GALNT18: variants seen among roughly 807,000 people sequenced by gnomAD.
GALNT18 encodes polypeptide N-acetylgalactosaminyltransferase 18.
GALNT18 carries 44 observed loss-of-function variants against 69.5 expected under a neutral mutation model. The observed-to-expected ratio is 0.63, with a 90% CI of 0.50 to 0.81. The LOEUF is 0.81. GALNT18 is among the 40% of genes least tolerant of loss of function. GALNT18 has a pLI of 0.00. For missense variants in GALNT18, 715 were observed against 810.0 expected, an observed-to-expected ratio of 0.88 and a Z score of 1.42; for synonymous variants, 364 against 318.2, an observed-to-expected ratio of 1.14 and a Z score of -1.53.
At chr11:11,448,198 C>T (rs1281473821) in intron 2 of GALNT18, among the ~76,000 whole-genome samples, 1 of 151,920 alleles carries the variant, frequency 6.6e-6, no homozygotes, top group Admixed American at 6.6e-5. Context: ...AGGGGGAAAA[C>T]ACTGTGGGGG....
At chr11:11,551,304 A>G (rs529345379) in intron 1 of GALNT18, among the ~76,000 whole-genome samples, 1 of 152,110 alleles carries the variant, frequency 6.6e-6, no homozygotes, top group Non-Finnish European at 1.5e-5. Context: ...GAGGTCTGTC[A>G]TAGAACAAGG....
At chr11:11,353,148 C>T in intron 6 of GALNT18, 2 of 1,612,552 alleles carry the variant, frequency 1.2e-6, no homozygotes, top group Non-Finnish European at 1.7e-6. Context: ...CAAAGCTGGA[C>T]TTGATGTTTG....
chr11:11,570,944 T>C (rs1199615911), intron 1 of GALNT18, among the ~76,000 whole-genome samples: 1 of 152,194 alleles, frequency 6.6e-6, no homozygotes, highest in Admixed American at 6.5e-5. Flanking sequence ...ACATGAGGTA[T>C]TAGTAACAGT....
At chr11:11,530,109 C>T (rs1350902654) in intron 1 of GALNT18, among the ~76,000 whole-genome samples, 1 of 152,098 alleles carries the variant, frequency 6.6e-6, no homozygotes, top group Non-Finnish European at 1.5e-5. Flanking sequence ...AACACAGGCT[C>T]ATTCACATGC....
In GALNT18 at chr11:11,340,840, C is replaced by T; in HGVS notation, c.1257G>A (p.Met419Ile). 1 of 1,613,416 alleles carries T rather than the reference C, an allele frequency of 6.2e-7. No homozygotes were observed. Among genetic ancestry groups the T allele is most frequent in the Non-Finnish European group, 8.5e-7 (1 of 1,179,708 alleles). ...WMDEFKSHVY[M>I]AWNIPQEDSG... ...CTACCTCCTGCGGTATGTTCCATGCCATGTAGACGTGGCTTTTAAATTCAT... is the reference window on the plus strand; with the variant it reads ...CTACCTCCTGCGGTATGTTCCATGCTATGTAGACGTGGCTTTTAAATTCAT... The change falls in exon 7 of 11, where the codon ATG becomes ATA. Residue 419 changes from methionine to isoleucine, a missense_variant. By Grantham distance (10) the Met-to-Ile change is conservative (BLOSUM62 1). Coordinates refer to ENST00000227756, the MANE Select transcript of GALNT18 (RefSeq NM_198516.3). The surrounding 1 kb of genome is among the most constrained non-coding windows in gnomAD (Gnocchi z 4.2).
chr11:11,423,471 C>T (rs1855059064), intron 3 of GALNT18, among the ~76,000 whole-genome samples: 1 of 152,172 alleles, frequency 6.6e-6, no homozygotes, highest in Admixed American at 6.5e-5. Flanking sequence ...TGTTCAATTA[C>T]CTCTCACCCA....
chr11:11,559,806 G>C (rs1443973378), intron 1 of GALNT18, among the ~76,000 whole-genome samples: 4 of 152,136 alleles, frequency 2.6e-5, no homozygotes, highest in African/African-American at 9.6e-5. Context: ...AATAGAATGA[G>C]ATATGATCAG....
intron 1 of GALNT18, among the ~76,000 whole-genome samples, chr11:11,575,646 C>G (rs1858907227): frequency 6.6e-6 from 1 of 152,192 alleles, no homozygotes; most frequent in Non-Finnish European, 1.5e-5. Flanking sequence ...TATATGAGGC[C>G]ATGAGTTCCA....
In GALNT18 at chr11:11,284,908, GTTTTTT is replaced by G. The variant is rs58795517; in HGVS notation, c.1677+8115_1677+8120del. Among the ~76,000 whole-genome samples the G allele has an allele frequency of 6.0e-3, 495 of 82,856 alleles. 11 individuals carry two copies. The highest frequency in any genetic ancestry group is 0.025 in the Middle Eastern group (3 of 120). The allele number at this position is 82,856 out of a possible 152,430, so 54.4% of individuals were successfully genotyped here. On this transcript the variant is annotated intron_variant, in intron 10 of 10. Transcript: ENST00000227756. ...CTGATTTACTAGTAAAGACTTTCGT[GTTTTTT>G]TTTTTTTTTTTTTTTTAACTACTTG...
At chr11:11,509,145 T>C (rs1857123492) in intron 1 of GALNT18, among the ~76,000 whole-genome samples, 1 of 152,020 alleles carries the variant, frequency 6.6e-6, no homozygotes, top group African/African-American at 2.4e-5. Context: ...CTTTCACAAG[T>C]GTTTGCTAAA....
chr11:11,576,022 C>A (rs1858916418), intron 1 of GALNT18, among the ~76,000 whole-genome samples: 1 of 152,224 alleles, frequency 6.6e-6, no homozygotes, highest in Non-Finnish European at 1.5e-5. Context: ...GGTGCAGCAA[C>A]AAACTCAAGG....
chr11:11,407,494 G>A (rs1192606008), intron 3 of GALNT18, among the ~76,000 whole-genome samples: 1 of 152,222 alleles, frequency 6.6e-6, no homozygotes, highest in Non-Finnish European at 1.5e-5. Context: ...CAGAGCCAGA[G>A]ATAAATAGCA....
At chr11:11,460,560 C>T (rs1049355011) in intron 1 of GALNT18, among the ~76,000 whole-genome samples, 4 of 152,208 alleles carry the variant, frequency 2.6e-5, no homozygotes, top group Non-Finnish European at 1.5e-5. Context: ...CCCACTCCTC[C>T]CTGACCTTGA....
At chr11:11,286,972 C>T (rs1411645289) in intron 10 of GALNT18, among the ~76,000 whole-genome samples, 1 of 152,146 alleles carries the variant, frequency 6.6e-6, no homozygotes, top group African/African-American at 2.4e-5. Context: ...AGCCCAACTC[C>T]ACTGACAGCT....
intron 1 of GALNT18, among the ~76,000 whole-genome samples, chr11:11,485,913 T>C (rs769523502): frequency 3.9e-5 from 6 of 152,160 alleles, no homozygotes; most frequent in Non-Finnish European, 7.4e-5. Context: ...TGCTGCCCTA[T>C]GTAATCTTCT....
rs1860190649 is a variant in GALNT18 at position 11,621,457 on chromosome 11, G to A, written c.137C>T (p.Pro46Leu). Residue 46 changes from proline (P) to leucine (L), a missense_variant, in exon 1 of 11, where the codon CCG becomes CTG. Pro to Leu is a moderately conservative substitution (Grantham distance 98). Coordinates refer to ENST00000227756, the MANE Select transcript of GALNT18 (RefSeq NM_198516.3). The surrounding 1 kb of genome is among the most constrained non-coding windows in gnomAD (Gnocchi z 9.3). ...TTCCTCCAGCTTCTTGTCGGGCGCC[G>A]GCTCCTGCCCCCGCACATACACGCT... ...IASVYVRGQE[P>L]APDKKLEEDK... 1 of 1,613,956 alleles carries A rather than the reference G, an allele frequency of 6.2e-7. No homozygotes were observed. The highest frequency in any genetic ancestry group is 1.7e-5 in the Admixed American group (1 of 60,002).
intron 10 of GALNT18, among the ~76,000 whole-genome samples, chr11:11,275,058 C>T (rs1445095299): frequency 6.6e-6 from 1 of 152,142 alleles, no homozygotes; most frequent in Non-Finnish European, 1.5e-5. Context: ...GGGTACATAC[C>T]CAGTGATGGG....
At chr11:11,292,957 C>T in intron 10 of GALNT18, 72 bp downstream of exon 10, 13 of 1,299,540 alleles carry the variant, frequency 1.0e-5, no homozygotes, top group Non-Finnish European at 1.3e-5. Context: ...TCCACCACCT[C>T]CCTGGCCCCT....
Position 11,339,508 on chromosome 11 carries a change from A to G in GALNT18, c.1278+1311T>C, listed in dbSNP as rs892698796. Reference sequence around the variant, plus strand: ...ACTGGTGAGCTCCTGGGGAGTTTCCAAGTGTTCTTAATATTTTGCCATCAC... The same window carrying G: ...ACTGGTGAGCTCCTGGGGAGTTTCCGAGTGTTCTTAATATTTTGCCATCAC... On this transcript the variant is annotated intron_variant, in intron 7 of 10. Coordinates refer to ENST00000227756, the MANE Select transcript of GALNT18 (RefSeq NM_198516.3). This position sits in a 1 kb window ranked among gnomAD's most constrained non-coding sequence, Gnocchi z 5.2. Among the ~76,000 whole-genome samples, 1 of 152,106 alleles carries G rather than the reference A, an allele frequency of 6.6e-6. No individual in the cohort carries two copies. The highest frequency in any genetic ancestry group is 1.5e-5 in the Non-Finnish European group (1 of 68,014).
Sources: allele counts gnomAD v4.1 joint callset (sites outside exome capture counted in the v4.1 genomes callset), GRCh38; gene constraint gnomAD v4.1.1; non-coding constraint Gnocchi (gnomAD v3.1); transcripts MANE v1.5; gene names NCBI Gene and HGNC (gene_info 2026-07-23, HGNC 2026-07-21).